Variants in TLK1 observed in about 807,000 individuals in gnomAD.
The protein encoded by TLK1 is serine/threonine-protein kinase tousled-like 1.
TLK1 carries 24 observed loss-of-function variants against 105.3 expected under a neutral mutation model. That is an observed-to-expected ratio of 0.23 (90% CI 0.17 to 0.32). The LOEUF (loss-of-function observed/expected upper bound fraction) is 0.32, where lower values mean the gene tolerates loss of function less well. Ranked by LOEUF, TLK1 falls within the 10% of genes least tolerant of loss-of-function variation. The probability of loss-of-function intolerance (pLI) is 1.00; values close to 1 mark genes in which losing one functional copy is unlikely to be tolerated. For missense variants in TLK1, 558 were observed against 910.5 expected (o/e 0.61, Z 4.98); for synonymous variants, 321 against 310.4 (o/e 1.03, Z -0.36).
chr2:171,083,976 C>T (rs1454986453), intron 2 of TLK1, among the ~76,000 whole-genome samples: 2 of 152,106 alleles, frequency 1.3e-5, no homozygotes, highest in Non-Finnish European at 2.9e-5. Flanking sequence ...GTTTGAGCAT[C>T]TGTAAATACC....
chr2:171,048,337 T>C (rs1286039113), intron 10 of TLK1, among the ~76,000 whole-genome samples: 1 of 152,260 alleles, frequency 6.6e-6, no homozygotes, highest in Non-Finnish European at 1.5e-5. Flanking sequence ...AACTGTCTCT[T>C]TTATTCATTG....
At position 170,993,162 on chromosome 2, in the gene TLK1, T is replaced by C. The variant is rs1187099665; in HGVS notation, c.*618A>G. ...TATAACCAGTGAAAGAAAACGGACA[T>C]GTGATCTCGAGGTACAACTTGGTAA... On this transcript the variant is annotated 3_prime_UTR_variant, in exon 21 of 21. Coordinates refer to ENST00000431350, the MANE Select transcript of TLK1 (RefSeq NM_012290.5). 6.6e-6 allele frequency: 1 copy of C among 152,646 alleles called. No homozygotes were observed. The highest frequency in any genetic ancestry group is 1.9e-4 in the East Asian group (1 of 5,200). The allele number at this position is 152,646 out of a possible 1,614,324, so 9.5% of individuals were successfully genotyped here.
chr2:171,089,732 T>C (rs1045049229), intron 2 of TLK1, among the ~76,000 whole-genome samples: 1 of 152,170 alleles, frequency 6.6e-6, no homozygotes, highest in Non-Finnish European at 1.5e-5. Flanking sequence ...TGCAGTGCAG[T>C]GGCATGATCA....
At chr2:171,121,307 G>A (rs1253393998) in intron 1 of TLK1, among the ~76,000 whole-genome samples, 2 of 152,188 alleles carry the variant, frequency 1.3e-5, no homozygotes, top group Admixed American at 6.5e-5. Context: ...AAGGCAAAGA[G>A]AATCACTTGA....
chr2:171,060,238 T>A (rs1687688452), intron 4 of TLK1, among the ~76,000 whole-genome samples: 1 of 152,082 alleles, frequency 6.6e-6, no homozygotes, highest in Admixed American at 6.6e-5. Context: ...TGTTTTTGAG[T>A]TTATATCTTT....
chr2:171,035,968 G>A (rs1286398498), intron 11 of TLK1, among the ~76,000 whole-genome samples: 3 of 152,192 alleles, frequency 2.0e-5, no homozygotes, highest in Non-Finnish European at 2.9e-5. Flanking sequence ...GTCCGTGATC[G>A]CTAAAACGGT....
chr2:171,123,198 C>A (rs1258939133), intron 1 of TLK1, among the ~76,000 whole-genome samples: 1 of 151,862 alleles, frequency 6.6e-6, no homozygotes, highest in Non-Finnish European at 1.5e-5. Flanking sequence ...AAATACTCAT[C>A]TGTTAAATTT....
chr2:171,126,890 G>A (rs192906984), intron 1 of TLK1, among the ~76,000 whole-genome samples: 4 of 149,756 alleles, frequency 2.7e-5, no homozygotes, highest in East Asian at 3.9e-4. Flanking sequence ...CTATGACAAC[G>A]AAATTATTTC....
At chr2:171,029,747 C>A (rs1304303337) in intron 11 of TLK1, among the ~76,000 whole-genome samples, 2 of 152,050 alleles carry the variant, frequency 1.3e-5, no homozygotes, top group African/African-American at 4.8e-5. Context: ...TTAATGTATG[C>A]AGAACTACAA....
chr2:171,079,155 T>C (rs1479695165), intron 3 of TLK1, among the ~76,000 whole-genome samples: 1 of 152,214 alleles, frequency 6.6e-6, no homozygotes, highest in Non-Finnish European at 1.5e-5. Context: ...AAACGACTTG[T>C]CATACTCCCA....
intron 1 of TLK1, among the ~76,000 whole-genome samples, chr2:171,196,876 C>T (rs1403157774): frequency 6.6e-6 from 1 of 152,154 alleles, no homozygotes; most frequent in African/African-American, 2.4e-5. Context: ...GAATATAGCT[C>T]TAAAAACTTA....
At chr2:171,196,084 A>AAAGG (rs1407314803) in intron 1 of TLK1, among the ~76,000 whole-genome samples, 10 of 144,212 alleles carry the variant, frequency 6.9e-5, no homozygotes, top group South Asian at 2.3e-4. Context: ...AGGAAGGAGG[A>AAAGG]AAGGAAGGAA....
At chr2:171,020,049 A>G (rs1030096890) in intron 12 of TLK1, among the ~76,000 whole-genome samples, 24 of 140,418 alleles carry the variant, frequency 1.7e-4, no homozygotes, top group African/African-American at 6.1e-4. Flanking sequence ...GTGACAGAGT[A>G]AGACTCCGTC....
chr2:171,051,863 T>A (rs1687257899), intron 8 of TLK1, among the ~76,000 whole-genome samples: 2 of 152,202 alleles, frequency 1.3e-5, no homozygotes, highest in African/African-American at 4.8e-5. Context: ...AGTATAAGAA[T>A]GAGCTTTTAA....
chr2:170,993,872 G>A lies in TLK1; in HGVS notation c.2209C>T (p.His737Tyr). The A allele has an allele frequency of 6.2e-7, 1 of 1,613,182 alleles. No homozygotes were observed. Among genetic ancestry groups the A allele is most frequent in the Non-Finnish European group, 8.5e-7 (1 of 1,179,624 alleles). The change falls in exon 21 of 21, where the codon CAC becomes TAC. Residue 737 changes from histidine (H) to tyrosine (Y), a missense_variant. Physicochemically the swap from His to Tyr is moderately conservative, Grantham distance 83. Transcript: ENST00000431350. ...QLANDPYLLP[H>Y]MRRSNSSGNL... Reference sequence around the variant, plus strand: ...CCTGAAGAATTTGATCTTCTCATGTGTGGGAGAAGGTATGGGTCATTTGCC... The same window carrying A: ...CCTGAAGAATTTGATCTTCTCATGTATGGGAGAAGGTATGGGTCATTTGCC...
intron 1 of TLK1, among the ~76,000 whole-genome samples, chr2:171,222,310 A>T (rs1182245797): frequency 6.6e-6 from 1 of 152,050 alleles, no homozygotes; most frequent in Non-Finnish European, 1.5e-5. Flanking sequence ...AGCAAAACCT[A>T]CTATTTCCTA....
chr2:171,135,356 A>G (rs1411653896), intron 1 of TLK1, among the ~76,000 whole-genome samples: 1 of 150,628 alleles, frequency 6.6e-6, no homozygotes, highest in Non-Finnish European at 1.5e-5. Flanking sequence ...AAAACATGAC[A>G]CTGTACCCCA....
At chr2:171,162,966 A>G (rs1276960243), upstream of TLK1, among the ~76,000 whole-genome samples, 1 of 152,020 alleles carries the variant, frequency 6.6e-6, no homozygotes, top group Non-Finnish European at 1.5e-5. Flanking sequence ...CTAACTTTGT[A>G]TTTTTAGTAG....
At chr2:171,194,406 A>G (rs924426764) in intron 1 of TLK1, among the ~76,000 whole-genome samples, 3 of 152,224 alleles carry the variant, frequency 2.0e-5, no homozygotes, top group African/African-American at 7.2e-5. Context: ...ATACATGAGC[A>G]AGGTCGATCA....
Sources: allele counts gnomAD v4.1 joint callset (sites outside exome capture counted in the v4.1 genomes callset), GRCh38; gene constraint gnomAD v4.1.1; transcripts MANE v1.5; gene names NCBI Gene and HGNC (gene_info 2026-07-23, HGNC 2026-07-21).